The following GALNT18 variants were observed in gnomAD, a reference collection of about 807,000 sequenced individuals.
The protein encoded by GALNT18 is GalNAc-transferase 18.
Under a neutral mutation model 69.5 loss-of-function variants are expected in GALNT18, and 44 were observed. The observed-to-expected ratio is 0.63, with a 90% CI of 0.50 to 0.81. GALNT18 has a LOEUF of 0.81. Ranked by LOEUF, GALNT18 falls within the 40% of genes least tolerant of loss-of-function variation. The pLI is 0.00. For synonymous variants in GALNT18, 364 were observed against 318.2 expected (o/e 1.14, Z -1.53); for missense variants, 715 against 810.0 (o/e 0.88, Z 1.42).
chr11:11,487,471 A>G (rs1264884104), intron 1 of GALNT18, among the ~76,000 whole-genome samples: 1 of 152,264 alleles, frequency 6.6e-6, no homozygotes, highest in Non-Finnish European at 1.5e-5. Flanking sequence ...ATTATTTAGT[A>G]TTAGGAAATG....
chr11:11,517,141 T>A (rs1857295421), intron 1 of GALNT18, among the ~76,000 whole-genome samples: 1 of 152,250 alleles, frequency 6.6e-6, no homozygotes, highest in Admixed American at 6.5e-5. Flanking sequence ...GGGGCTTTGA[T>A]CTTGGACTTC....
intron 5 of GALNT18, among the ~76,000 whole-genome samples, chr11:11,376,649 G>C (rs28419392): frequency 6.6e-6 from 1 of 152,020 alleles, no homozygotes; most frequent in Admixed American, 6.5e-5. Context: ...CCCTACTGCC[G>C]GGGGCTGCTG....
chr11:11,593,388 G>A (rs1859408912), intron 1 of GALNT18, among the ~76,000 whole-genome samples: 1 of 152,114 alleles, frequency 6.6e-6, no homozygotes, highest in South Asian at 2.1e-4. Context: ...AATCTATGAG[G>A]TGAGAAGCCC....
At chr11:11,301,966 G>A (rs1002891916) in intron 9 of GALNT18, among the ~76,000 whole-genome samples, 3 of 152,318 alleles carry the variant, frequency 2.0e-5, no homozygotes, top group African/African-American at 7.2e-5. Context: ...CTGTCAGTGA[G>A]TAATGAGTCT....
chr11:11,296,897 T>G (rs1216099592), intron 9 of GALNT18, among the ~76,000 whole-genome samples: 1 of 152,126 alleles, frequency 6.6e-6, no homozygotes, highest in Non-Finnish European at 1.5e-5. Context: ...GCCTAGCGGA[T>G]TAAATAAACA....
At chr11:11,271,378 C>T (rs1216585691) in intron 10 of GALNT18, 88 bp from the exon 11 acceptor site, 2 of 1,357,696 alleles carry the variant, frequency 1.5e-6, no homozygotes, top group Non-Finnish European at 2.1e-6. Flanking sequence ...CTGGTGAGGG[C>T]TGACATTATC....
chr11:11,417,236 T>G (rs1393145176), intron 3 of GALNT18, among the ~76,000 whole-genome samples: 3 of 152,132 alleles, frequency 2.0e-5, no homozygotes, highest in Non-Finnish European at 4.4e-5. Context: ...CTAAACCATA[T>G]AGCCAACGAT....
intron 9 of GALNT18, among the ~76,000 whole-genome samples, chr11:11,312,200 C>T (rs1236288206): frequency 6.6e-6 from 1 of 152,026 alleles, no homozygotes; most frequent in Non-Finnish European, 1.5e-5. Flanking sequence ...TCTGCCACCT[C>T]GGCCTCCCAA....
chr11:11,572,730 G>A (rs572746766), intron 1 of GALNT18, among the ~76,000 whole-genome samples: 4 of 152,236 alleles, frequency 2.6e-5, no homozygotes, highest in Admixed American at 6.5e-5. Flanking sequence ...GATGGCCCTC[G>A]CAACCCTCGC....
rs139229505 is a variant in GALNT18, at chr11:11,274,083, T to C, written c.1678-2793A>G. Among the ~76,000 whole-genome samples the C allele has an allele frequency of 3.0e-3, 457 of 152,132 alleles. 6 individuals are homozygous for C. The highest frequency in any genetic ancestry group is 0.01 in the African/African-American group (419 of 41,530). The stretch of plus-strand genomic sequence containing the variant: ...GCCTCACCTGGGAAGTGCAAGGGGT[T>C]GGGGGATCTCCCTTCCCCAGCCAAG... On this transcript the variant is annotated intron_variant, in intron 10 of 10. Transcript: ENST00000227756.
intron 1 of GALNT18, among the ~76,000 whole-genome samples, chr11:11,493,561 T>G (rs551953870): frequency 6.6e-6 from 1 of 152,158 alleles, no homozygotes; most frequent in Admixed American, 6.5e-5. Context: ...ACATTGTGAG[T>G]GTGTAGTAAG....
chr11:11,550,954 G>A (rs1278436961), intron 1 of GALNT18, among the ~76,000 whole-genome samples: 1 of 152,132 alleles, frequency 6.6e-6, no homozygotes, highest in Non-Finnish European at 1.5e-5. Context: ...TGGAGAGGAA[G>A]AGCAACACAC....
intron 3 of GALNT18, among the ~76,000 whole-genome samples, chr11:11,427,443 G>GTAA (rs1276683879): frequency 6.6e-6 from 1 of 152,186 alleles, no homozygotes; most frequent in Non-Finnish European, 1.5e-5. Context: ...CACGGAACCA[G>GTAA]TAATAGAAGC....
In GALNT18 at chr11:11,480,184, T is replaced by A. The variant is rs553297582; in HGVS notation, c.236-31248A>T. On this transcript the variant is annotated intron_variant, in intron 1 of 10. Coordinates refer to ENST00000227756, the MANE Select transcript of GALNT18 (RefSeq NM_198516.3). The surrounding 1 kb of genome is among the most constrained non-coding windows in gnomAD (Gnocchi z 4.6). ...ATCATCTCCCAGAACAAGCCATGGG[T>A]GGTAGCCACAAAATAAACTAAAAGA... Among the ~76,000 whole-genome samples the A allele has an allele frequency of 2.0e-5, 3 of 152,252 alleles. No homozygotes were observed. The highest frequency in any genetic ancestry group is 2.0e-4 in the Admixed American group (3 of 15,282).
intron 6 of GALNT18, among the ~76,000 whole-genome samples, chr11:11,358,074 C>CCAGATTTCTGACTTCCTCTCTTT (rs367641565): frequency 2.8e-5 from 4 of 143,046 alleles, no homozygotes; most frequent in African/African-American, 1.0e-4. Flanking sequence ...CTGTCCCTGC[C>CCAGATTTCTGACTTCCTCTCTTT]TCCATCTCCT....
In GALNT18 at chr11:11,540,627, C is replaced by A. The variant is rs995726276; in HGVS notation, c.235+80732G>T. Among the ~76,000 whole-genome samples the A allele has an allele frequency of 3.3e-5, 5 of 152,174 alleles. No individual in the cohort carries two copies. The highest frequency in any genetic ancestry group is 1.2e-4 in the African/African-American group (5 of 41,442). On this transcript the variant is annotated intron_variant, in intron 1 of 10. Transcript: ENST00000227756. This position sits in a 1 kb window ranked among gnomAD's most constrained non-coding sequence, Gnocchi z 4.6. ...TCTTGCCTCTGCGAGTTTCCCTTGG[C>A]CTGCCCTGCGATTTGGGGGTGATGC...
intron 9 of GALNT18, among the ~76,000 whole-genome samples, chr11:11,313,938 G>T (rs1849709835): frequency 6.6e-6 from 1 of 152,212 alleles, no homozygotes; most frequent in South Asian, 2.1e-4. Flanking sequence ...TTGAACGAGA[G>T]ACCAATATTA....
At chr11:11,365,131 T>C (rs184882835) in intron 6 of GALNT18, among the ~76,000 whole-genome samples, 1 of 152,252 alleles carries the variant, frequency 6.6e-6, no homozygotes, top group African/African-American at 2.4e-5. Flanking sequence ...ACCCATCCTT[T>C]AAGTTCCCTT....
rs75175070 is a variant in GALNT18 at position 11,406,586 on chromosome 11, A to G, written c.595+26035T>C. Among the ~76,000 whole-genome samples the G allele has an allele frequency of 5.6e-3, 856 of 152,376 alleles. 5 individuals are homozygous for G. Among genetic ancestry groups the G allele is most frequent in the African/African-American group, 0.02 (818 of 41,596 alleles). On this transcript the variant is annotated intron_variant, in intron 3 of 10. Transcript: ENST00000227756. Reference sequence around the variant, plus strand: ...ATGTTGAAAGGAAGGGATGGTTCCCAGTTGCCATTGCAGTACAATAAAGGC... The same window carrying G: ...ATGTTGAAAGGAAGGGATGGTTCCCGGTTGCCATTGCAGTACAATAAAGGC...
Sources: allele counts gnomAD v4.1 joint callset (sites outside exome capture counted in the v4.1 genomes callset), GRCh38; gene constraint gnomAD v4.1.1; non-coding constraint Gnocchi (gnomAD v3.1); transcripts MANE v1.5; gene names NCBI Gene and HGNC (gene_info 2026-07-23, HGNC 2026-07-21).